LTBP3: variants seen among roughly 807,000 people sequenced by gnomAD.
The protein encoded by LTBP3 is latent transforming growth factor beta binding protein 3, also known as latent-transforming growth factor beta-binding protein 3.
A neutral mutation model predicts 159.7 loss-of-function variants in LTBP3; 97 were observed. The observed-to-expected ratio is 0.61, with a 90% CI of 0.52 to 0.72. The LOEUF (loss-of-function observed/expected upper bound fraction) is 0.72, where lower values mean the gene tolerates loss of function less well. Among genes scored for constraint, LTBP3 ranks in the 30% least tolerant of loss-of-function variants. The probability of loss-of-function intolerance (pLI) is 0.00; values close to 1 mark genes in which losing one functional copy is unlikely to be tolerated. For synonymous variants in LTBP3, 824 were observed against 777.1 expected (o/e 1.06, Z -1.00); for missense variants, 1,584 against 1,864.3 (o/e 0.85, Z 2.77).
Position 65,539,654 on chromosome 11 carries a change from A to T in LTBP3, c.3548-26T>A, listed in dbSNP as rs375395244. On this transcript the variant is annotated intron_variant, in intron 25 of 27. Transcript: ENST00000301873. Reference sequence around the variant, plus strand: ...CTGGGAGGAGCAGAACTGGTCAGCGACGTCCGGGTCCCCGGGCCCTGGCCC... The same window carrying T: ...CTGGGAGGAGCAGAACTGGTCAGCGTCGTCCGGGTCCCCGGGCCCTGGCCC... 8.4e-4 allele frequency: 1,338 copies of T among 1,594,926 alleles called. 1 individual carries two copies. Among genetic ancestry groups the T allele is most frequent in the Non-Finnish European group, 8.5e-4 (999 of 1,174,012 alleles).
chr11:65,542,381 CT>C (rs775859883), intron 18 of LTBP3: 732 of 91,924 alleles, frequency 8.0e-3, no homozygotes, highest in Middle Eastern at 0.025. Context: ...GCTCAATAAA[CT>C]TTTTTTTTTT....
Position 65,540,452 on chromosome 11 carries a change from C to T in LTBP3, c.3106+34G>A. The stretch of plus-strand genomic sequence containing the variant: ...GGCGCGGTGGCGCGTGTCTCCCTGC[C>T]GCTTCCCCACGGCCGCCGGGGGGCG... On this transcript the variant is annotated intron_variant, in intron 22 of 27. Transcript: ENST00000301873. 7 of 1,611,958 alleles carry T rather than the reference C, an allele frequency of 4.3e-6. No individual in the cohort carries two copies. The East Asian group carries it at 1.1e-4, about 26-fold the overall frequency.
chr11:65,546,605 A>C lies in LTBP3; in HGVS notation c.2231-41T>G, dbSNP rs1375110305. On this transcript the variant is annotated intron_variant, in intron 15 of 27. Coordinates refer to ENST00000301873, the MANE Select transcript of LTBP3 (RefSeq NM_001130144.3). The surrounding 1 kb of genome is among the most constrained non-coding windows in gnomAD (Gnocchi z 4.0). ...CTAGCCTCGGACTCTGCCCCACCGG[A>C]AGGCGGACCGCGCACCTCGCGGGGG... 6.3e-7 allele frequency: 1 copy of C among 1,598,132 alleles called. No individual in the cohort carries two copies. Among genetic ancestry groups the C allele is most frequent in the Non-Finnish European group, 8.5e-7 (1 of 1,179,118 alleles).
rs2135127159 is a variant in LTBP3, at chr11:65,541,985, T to C, written c.2597-257A>G. On this transcript the variant is annotated intron_variant, in intron 18 of 27. Transcript: ENST00000301873. ...GAAGCCCAAATGGAAAGGCCTCAAA[T>C]GCAATTGAGCTTCCGATACCTTTAG... 5 of 467,096 alleles carry C rather than the reference T, an allele frequency of 1.1e-5. No individual in the cohort carries two copies. In the East Asian group the frequency reaches 1.7e-4, roughly 16 times the overall value. 28.9% of individuals were successfully genotyped at this position (467,096 alleles called of 1,614,324 possible).
intron 21 of LTBP3, 89 bp from the exon 22 acceptor site, chr11:65,540,703 C>CGGGGCCTACAGGAG: frequency 8.0e-7 from 1 of 1,243,480 alleles, no homozygotes; most frequent in Non-Finnish European, 1.1e-6. Flanking sequence ...AAGCCATCCC[C>CGGGGCCTACAGGAG]GGGCGGGGCC....
rs966588489 is a variant in LTBP3 at position 65,539,056 on chromosome 11, G to C, written c.*24C>G. 4.6e-5 allele frequency: 62 copies of C among 1,356,628 alleles called. 1 individual carries two copies. Among genetic ancestry groups the C allele is most frequent in the Non-Finnish European group, 5.7e-5 (60 of 1,056,626 alleles). 84.0% of individuals were successfully genotyped at this position (1,356,628 alleles called of 1,614,324 possible). A position where few individuals can be genotyped will look rare whatever the true frequency, so the allele number is the denominator to read the frequency against. ...AATCCCTCAGTGATCACCGAGGTCT[G>C]GGCCGAGGGCGGCGTCGGCGGCGTC... On this transcript the variant is annotated 3_prime_UTR_variant, in exon 28 of 28. Coordinates refer to ENST00000301873, the MANE Select transcript of LTBP3 (RefSeq NM_001130144.3).
At chr11:65,541,322 T>C in intron 19 of LTBP3, 29 bp from the exon 20 acceptor site, 1 of 1,604,998 alleles carries the variant, frequency 6.2e-7, no homozygotes. Flanking sequence ...CTCAGGGTTG[T>C]GCACAGACCC....
chr11:65,557,749 A>T lies in LTBP3; in HGVS notation c.211T>A (p.Cys71Ser). ...RFKVVFAPVI[C>S]KRTCLKGQCR... ...TGGCCCTTGAGACAGGTCCGCTTGCAGATCACCGGCGCAAAGACCACCTTG... is the reference window on the plus strand; with the variant it reads ...TGGCCCTTGAGACAGGTCCGCTTGCTGATCACCGGCGCAAAGACCACCTTG... The change falls in exon 1 of 28, where the codon TGC becomes AGC. Residue 71 changes from cysteine to serine, a missense_variant. Physicochemically the swap from Cys to Ser is moderately radical, Grantham distance 112 (BLOSUM62 -1). Transcript: ENST00000301873. The T allele has an allele frequency of 6.2e-7, 1 of 1,605,436 alleles. No homozygotes were observed. The highest frequency in any genetic ancestry group is 8.5e-7 in the Non-Finnish European group (1 of 1,179,792).
rs781148387 is a variant in LTBP3 at position 65,540,390 on chromosome 11, G to A, written c.3107-8C>T. On this transcript the variant is annotated splice_polypyrimidine_tract_variant and splice_region_variant and intron_variant, in intron 22 of 27. Coordinates refer to ENST00000301873, the MANE Select transcript of LTBP3 (RefSeq NM_001130144.3). ...CCAGGCACTCGTCCACGTCTGCAGG[G>A]AGGAAAAGCGTGGGTAGCAGGGGCA... is the stretch of plus-strand genomic sequence containing the variant. 4.4e-6 allele frequency: 7 copies of A among 1,602,772 alleles called. No homozygotes were observed. Among genetic ancestry groups the A allele is most frequent in the South Asian group, 1.1e-5 (1 of 89,860 alleles).
Position 65,552,816 on chromosome 11 carries a change from C to A in LTBP3, c.1186+44G>T. Reference sequence around the variant, plus strand: ...TTGCGATCTCTGATCCTTGCTCCCACCCATGCCTTGTGACCTCCCAGGAAC... The same window carrying A: ...TTGCGATCTCTGATCCTTGCTCCCAACCATGCCTTGTGACCTCCCAGGAAC... On this transcript the variant is annotated intron_variant, in intron 6 of 27. Transcript: ENST00000301873. This position sits in a 1 kb window ranked among gnomAD's most constrained non-coding sequence, Gnocchi z 6.0. The A allele has an allele frequency of 6.2e-7, 1 of 1,613,938 alleles. No individual in the cohort carries two copies. The highest frequency in any genetic ancestry group is 8.5e-7 in the Non-Finnish European group (1 of 1,179,918).
intron 1 of LTBP3, among the ~76,000 whole-genome samples, chr11:65,557,149 G>C (rs892673250): frequency 6.6e-6 from 1 of 152,112 alleles, no homozygotes; most frequent in African/African-American, 2.4e-5. Flanking sequence ...CCCATCCCCA[G>C]CCCTGACCTT....
At position 65,553,952 on chromosome 11, in the gene LTBP3, T is replaced by C. The variant is rs1340392809; in HGVS notation, c.662-49A>G. The stretch of plus-strand genomic sequence containing the variant: ...AGGGCTGCCCGCACCGCGCCGCGGG[T>C]CACCGCGCTGAGCTCCTCCAGGGCT... On this transcript the variant is annotated intron_variant, in intron 2 of 27. Transcript: ENST00000301873. The surrounding 1 kb of genome is among the most constrained non-coding windows in gnomAD (Gnocchi z 6.5). 1 of 1,528,606 alleles carries C rather than the reference T, an allele frequency of 6.5e-7. No homozygotes were observed. Among genetic ancestry groups the C allele is most frequent in the East Asian group, 2.3e-5 (1 of 42,606 alleles). The allele number at this position is 1,528,606 out of a possible 1,614,324, so 94.7% of individuals were successfully genotyped here.
Position 65,538,942 on chromosome 11 carries a change from G to A in LTBP3, c.*138C>T, listed in dbSNP as rs906169206. 7 of 1,302,212 alleles carry A rather than the reference G, an allele frequency of 5.4e-6. No homozygotes were observed. Among genetic ancestry groups the A allele is most frequent in the African/African-American group, 1.6e-5 (1 of 64,038 alleles). The allele number at this position is 1,302,212 out of a possible 1,614,324, so 80.7% of individuals were successfully genotyped here. On this transcript the variant is annotated 3_prime_UTR_variant, in exon 28 of 28. Transcript: ENST00000301873. ...GAGGGGGGCCGGTAGGGGCGCCTCGGGTCTCAAGGCGCCGGGAGGGTCTGC... is the reference window on the plus strand; with the variant it reads ...GAGGGGGGCCGGTAGGGGCGCCTCGAGTCTCAAGGCGCCGGGAGGGTCTGC...
chr11:65,540,354 GT>G lies in LTBP3; in HGVS notation c.3134del (p.Asn1045ThrfsTer32). ...TGTTCTCACACACTCCGTTCCGGCAGTTGGACTCGTCCAGGCACTCGTCCAC... is the reference window on the plus strand; with the variant it reads ...TGTTCTCACACACTCCGTTCCGGCAGTGGACTCGTCCAGGCACTCGTCCAC... ...VDVDECLDES[N>X]CRNGVCENTR... On this transcript the variant is annotated frameshift_variant, in exon 23 of 28. Coordinates refer to ENST00000301873, the MANE Select transcript of LTBP3 (RefSeq NM_001130144.3). LOFTEE classifies it high-confidence loss of function. The G allele has an allele frequency of 6.3e-7, 1 of 1,591,480 alleles. No homozygotes were observed. The highest frequency in any genetic ancestry group is 8.5e-7 in the Non-Finnish European group (1 of 1,170,330).
intron 17 of LTBP3, 48 bp from the exon 18 acceptor site, chr11:65,543,272 C>G (rs772544716): frequency 6.2e-7 from 1 of 1,613,504 alleles, no homozygotes; most frequent in East Asian, 2.2e-5. Flanking sequence ...GATCACCAAC[C>G]CCAGCCTGAG....
At chr11:65,541,968 A>G (rs909538947) in intron 18 of LTBP3, 40 of 500,508 alleles carry the variant, frequency 8.0e-5, no homozygotes, top group African/African-American at 5.8e-5. Context: ...CAGAAGCCCA[A>G]ATGGAAAGGC....
chr11:65,550,863 C>A (rs1260425617), intron 11 of LTBP3, among the ~76,000 whole-genome samples: 1 of 152,094 alleles, frequency 6.6e-6, no homozygotes, highest in East Asian at 1.9e-4. Flanking sequence ...AACTGGGAAA[C>A]CTGCTAGACA....
intron 8 of LTBP3, 164 bp from the exon 9 acceptor site, chr11:65,551,728 T>A: frequency 1.0e-6 from 1 of 962,230 alleles, no homozygotes; most frequent in Non-Finnish European, 1.6e-6. Context: ...TGTGTTTGCA[T>A]AGTAGTCACA....
At position 65,539,339 on chromosome 11, in the gene LTBP3, G is replaced by A; in HGVS notation, c.3749C>T (p.Ala1250Val). ...GAAGCCCGGCTCACCCACGCAGCGG[G>A]CGCGGGAGGCGTCGAGCTGGAAGCC... ...PGGFQLDASR[A>V]RCVDIDECRE... Residue 1250 changes from alanine to valine, a missense_variant, in exon 27 of 28, where the codon GCC becomes GTC. Coordinates refer to ENST00000301873, the MANE Select transcript of LTBP3 (RefSeq NM_001130144.3). 6.6e-7 allele frequency: 1 copy of A among 1,522,884 alleles called. No individual in the cohort carries two copies. Among genetic ancestry groups the A allele is most frequent in the Non-Finnish European group, 8.8e-7 (1 of 1,132,490 alleles). 94.3% of individuals were successfully genotyped at this position (1,522,884 alleles called of 1,614,324 possible). A position where few individuals can be genotyped will look rare whatever the true frequency, so the allele number is the denominator to read the frequency against.
Sources: gnomAD v4.1 joint callset for allele counts (sites outside exome capture counted in the v4.1 genomes callset) on GRCh38, gnomAD v4.1.1 for gene constraint, Gnocchi (gnomAD v3.1) non-coding constraint, MANE v1.5 for transcripts, NCBI Gene and HGNC (gene_info 2026-07-23, HGNC 2026-07-21) for gene names.